Variants in DIP2B observed in about 807,000 individuals in gnomAD.
DIP2B encodes DIP2 acetate--CoA ligase B (putative).
DIP2B carries 76 observed loss-of-function variants against 198.0 expected under a neutral mutation model. That is an observed-to-expected ratio of 0.38 (90% CI 0.32 to 0.46). The LOEUF is 0.46. Ranked by LOEUF, DIP2B falls within the 20% of genes least tolerant of loss-of-function variation. The pLI is 0.99. For synonymous variants in DIP2B, 701 were observed against 739.1 expected (o/e 0.95, Z 0.84); for missense variants, 1,559 against 1,978.4 (o/e 0.79, Z 4.02).
intron 2 of DIP2B, among the ~76,000 whole-genome samples, chr12:50,638,046 ACAT>A (rs1166244880): frequency 7.9e-5 from 12 of 152,218 alleles, no homozygotes; most frequent in African/African-American, 2.7e-4. Flanking sequence ...AAACCTTTTA[ACAT>A]CATCACTATT....
At chr12:50,607,633 C>T (rs1172833668) in intron 1 of DIP2B, among the ~76,000 whole-genome samples, 2 of 152,172 alleles carry the variant, frequency 1.3e-5, no homozygotes, top group Non-Finnish European at 2.9e-5. Context: ...CACAGTCTTG[C>T]TCTGAAGTGT....
chr12:50,657,477 C>T (rs1236654529), intron 3 of DIP2B, among the ~76,000 whole-genome samples: 1 of 152,078 alleles, frequency 6.6e-6, no homozygotes, highest in Non-Finnish European at 1.5e-5. Flanking sequence ...CACCTCCTGA[C>T]ATCATGTTTT....
intron 1 of DIP2B, among the ~76,000 whole-genome samples, chr12:50,529,075 G>C (rs1244510806): frequency 6.6e-6 from 1 of 152,160 alleles, no homozygotes; most frequent in Non-Finnish European, 1.5e-5. Context: ...AGGAGGGGCA[G>C]GACATGGCAG....
At chr12:50,694,286 A>G (rs529390134) in intron 14 of DIP2B, among the ~76,000 whole-genome samples, 1 of 152,292 alleles carries the variant, frequency 6.6e-6, no homozygotes, top group African/African-American at 2.4e-5. Context: ...ACTTGAGGCC[A>G]GGAGTTCAAG....
At chr12:50,588,136 CT>C (rs11447445) in intron 1 of DIP2B, among the ~76,000 whole-genome samples, 21 of 149,168 alleles carry the variant, frequency 1.4e-4, no homozygotes, top group African/African-American at 5.2e-4. Flanking sequence ...TACTTCTTTT[CT>C]TTTTTTTTTC....
At chr12:50,515,799 C>G (rs202184426) in intron 1 of DIP2B, among the ~76,000 whole-genome samples, 1 of 152,196 alleles carries the variant, frequency 6.6e-6, no homozygotes, top group Non-Finnish European at 1.5e-5. Context: ...TGCCTCTGCT[C>G]TAGACATTCC....
intron 18 of DIP2B, 86 bp downstream of exon 18, chr12:50,698,553 G>T: frequency 6.7e-7 from 1 of 1,494,722 alleles, no homozygotes; most frequent in Non-Finnish European, 9.0e-7. Context: ...AATCCCAAAC[G>T]AGGAACCCTT....
At chr12:50,521,201 G>A (rs1363644547) in intron 1 of DIP2B, among the ~76,000 whole-genome samples, 1 of 147,858 alleles carries the variant, frequency 6.8e-6, no homozygotes, top group Admixed American at 6.9e-5. Context: ...CTGCCTCCCG[G>A]GTTTAATCGA....
In DIP2B at chr12:50,708,493, G is replaced by A. The variant is rs372769066; in HGVS notation, c.2580G>A (p.Val860=). Reference sequence around the variant, plus strand: ...CTGTATTTTATGATGAGCGCATTGTGGTGGTTGCGGAACAAAGACCTGATG... The same window carrying A: ...CTGTATTTTATGATGAGCGCATTGTAGTGGTTGCGGAACAAAGACCTGATG... ...SVSVFYDERI[V]VVAEQRPDAS... Residue 860 remains valine, a synonymous_variant, in exon 22 of 38, where the codon GTG becomes GTA. Coordinates refer to ENST00000301180, the MANE Select transcript of DIP2B (RefSeq NM_173602.3). 1.2e-5 allele frequency: 19 copies of A among 1,608,444 alleles called. No homozygotes were observed. The African/African-American group carries it at 2.0e-4, about 17-fold the overall frequency.
chr12:50,563,221 C>G (rs1958534846), intron 1 of DIP2B, among the ~76,000 whole-genome samples: 1 of 152,192 alleles, frequency 6.6e-6, no homozygotes, highest in Admixed American at 6.6e-5. Flanking sequence ...TGGTCTCTCT[C>G]TGTTGCCCAG....
At chr12:50,722,292 A>G (rs1295460304) in intron 26 of DIP2B, among the ~76,000 whole-genome samples, 1 of 124,218 alleles carries the variant, frequency 8.1e-6, no homozygotes, top group African/African-American at 3.0e-5. Flanking sequence ...ATTTTATTTT[A>G]TTTTATTTTT....
At chr12:50,713,934 G>A (rs1939665006) in intron 22 of DIP2B, among the ~76,000 whole-genome samples, 2 of 151,852 alleles carry the variant, frequency 1.3e-5, no homozygotes. Context: ...AAAAAGAAAA[G>A]AAAAAAAATT....
At chr12:50,583,858 CTT>C (rs1958746480) in intron 1 of DIP2B, among the ~76,000 whole-genome samples, 1 of 152,152 alleles carries the variant, frequency 6.6e-6, no homozygotes, top group South Asian at 2.1e-4. Flanking sequence ...GTTGTCTACT[CTT>C]TCTTCCATTT....
rs1423701947 is a variant in DIP2B at position 50,724,820 on chromosome 12, C to T, written c.3334C>T (p.Leu1112=). ...CILTSQTLMR[L]LRSREAAAAV... Reference sequence around the variant, plus strand: ...TCTCACCAGTCAGACCCTAATGAGGCTACTGAGGTCCCGAGAGGCAGCAGC... The same window carrying T: ...TCTCACCAGTCAGACCCTAATGAGGTTACTGAGGTCCCGAGAGGCAGCAGC... Residue 1112 remains leucine, a synonymous_variant, in exon 28 of 38, where the codon CTA becomes TTA. Coordinates refer to ENST00000301180, the MANE Select transcript of DIP2B (RefSeq NM_173602.3). 1.9e-6 allele frequency: 3 copies of T among 1,614,148 alleles called. No individual in the cohort carries two copies. In the East Asian group the frequency reaches 6.7e-5, roughly 36 times the overall value.
intron 19 of DIP2B, among the ~76,000 whole-genome samples, chr12:50,702,941 T>A (rs1481837350): frequency 6.6e-6 from 1 of 152,094 alleles, no homozygotes. Flanking sequence ...AAAATTTTTT[T>A]AAGTCTGAGT....
chr12:50,531,022 G>A (rs1958212165), intron 1 of DIP2B, among the ~76,000 whole-genome samples: 1 of 152,094 alleles, frequency 6.6e-6, no homozygotes, highest in Non-Finnish European at 1.5e-5. Context: ...GGAAGCAGTG[G>A]GCATGATTGA....
chr12:50,614,542 A>C (rs1215093339), intron 1 of DIP2B, among the ~76,000 whole-genome samples: 1 of 152,130 alleles, frequency 6.6e-6, no homozygotes, highest in Non-Finnish European at 1.5e-5. Flanking sequence ...TTGACTTGCC[A>C]TATGTAACAG....
chr12:50,565,948 C>CT (rs60749403), intron 1 of DIP2B, among the ~76,000 whole-genome samples: 13 of 149,204 alleles, frequency 8.7e-5, no homozygotes, highest in South Asian at 6.3e-4. Context: ...TCCATTTCAT[C>CT]TTTTTTTTTT....
intron 5 of DIP2B, 26 bp downstream of exon 5, chr12:50,671,424 C>A (rs1938852410): frequency 6.2e-7 from 1 of 1,608,578 alleles, no homozygotes; most frequent in Non-Finnish European, 8.5e-7. Context: ...ACCCAAGAAG[C>A]CCAAATTACA....
Sources: allele counts gnomAD v4.1 joint callset (sites outside exome capture counted in the v4.1 genomes callset), GRCh38; gene constraint gnomAD v4.1.1; transcripts MANE v1.5; gene names NCBI Gene and HGNC (gene_info 2026-07-23, HGNC 2026-07-21).